SCAF11: variants seen among roughly 807,000 people sequenced by gnomAD.
SCAF11 encodes the protein protein SCAF11.
SCAF11 carries 47 observed loss-of-function variants against 140.5 expected under a neutral mutation model. The ratio of observed to expected loss-of-function variants is 0.33; its 90% confidence interval spans 0.26 to 0.43. SCAF11 has a LOEUF of 0.43. Ranked by LOEUF, SCAF11 falls within the 20% of genes least tolerant of loss-of-function variation. The probability of loss-of-function intolerance (pLI) is 1.00; values close to 1 mark genes in which losing one functional copy is unlikely to be tolerated. For synonymous variants in SCAF11, 557 were observed against 579.4 expected, an observed-to-expected ratio of 0.96 and a Z score of 0.55; for missense variants, 1,645 against 1,705.1, an observed-to-expected ratio of 0.96 and a Z score of 0.62.
intron 1 of SCAF11, among the ~76,000 whole-genome samples, chr12:45,967,176 C>G (rs1457111080): frequency 6.6e-6 from 1 of 151,706 alleles, no homozygotes. Flanking sequence ...TCGCTTGAGC[C>G]CAAGAAGTTC....
chr12:45,924,897 G>T lies in SCAF11; in HGVS notation c.3737C>A (p.Pro1246Gln), dbSNP rs1227362837. ...GGGTAGCTGAGGATGAATGTTAAAT[G>T]GATTGCGTTGGATGTTCATCAAAGG... is the stretch of plus-strand genomic sequence containing the variant. The part of the protein sequence containing the change: ...HAPLMNIQRN[P>Q]FNIHPQLPLH... The change falls in exon 12 of 15, where the codon CCA becomes CAA. Residue 1246 changes from proline (P) to glutamine (Q), a missense_variant. Pro to Gln is a moderately conservative substitution (Grantham distance 76, BLOSUM62 -1). Around this residue, in one of 2 missense-constraint regions of SCAF11, gnomAD observed 1,582 missense variants for 1,609.2 expected, o/e 0.98. Transcript: ENST00000369367. 6.2e-7 allele frequency: 1 copy of T among 1,613,996 alleles called. No individual in the cohort carries two copies. The highest frequency in any genetic ancestry group is 8.5e-7 in the Non-Finnish European group (1 of 1,180,014).
At chr12:45,972,973 T>TATATAG (rs1946140600) in intron 1 of SCAF11, among the ~76,000 whole-genome samples, 1 of 143,192 alleles carries the variant, frequency 7.0e-6, no homozygotes, top group African/African-American at 2.6e-5. Context: ...TATATATAGA[T>TATATAG]ATATAGATAT....
Position 45,936,507 on chromosome 12 carries a change from AT to A in SCAF11, c.464-2003del, listed in dbSNP as rs548042948. 2.6e-3 allele frequency among the ~76,000 whole-genome samples: 403 copies of A among 152,100 alleles called. 1 individual carries two copies. Among genetic ancestry groups the A allele is most frequent in the Non-Finnish European group, 4.6e-3 (316 of 67,992 alleles). On this transcript the variant is annotated intron_variant, in intron 6 of 14. Transcript: ENST00000369367. ...GTTTTCTCTTTTCCTTTTCTTCCTTATTATCCATCATTAATTTAGCTAACTA... is the reference window on the plus strand; with the variant it reads ...GTTTTCTCTTTTCCTTTTCTTCCTTATATCCATCATTAATTTAGCTAACTA...
intron 6 of SCAF11, among the ~76,000 whole-genome samples, chr12:45,938,666 A>G (rs1446659763): frequency 6.6e-6 from 1 of 151,992 alleles, no homozygotes; most frequent in African/African-American, 2.4e-5. Context: ...AACATGTTTC[A>G]TGAAACACTA....
intron 1 of SCAF11, among the ~76,000 whole-genome samples, chr12:45,987,690 G>C (rs1946490518): frequency 6.6e-6 from 1 of 152,170 alleles, no homozygotes; most frequent in African/African-American, 2.4e-5. Flanking sequence ...TGAAGTCAGA[G>C]AGGAAGAAGA....
chr12:45,931,341 A>T (rs1945041247), intron 10 of SCAF11, 165 bp downstream of exon 10: 1 of 412,582 alleles, frequency 2.4e-6, no homozygotes, highest in African/African-American at 2.1e-5. Context: ...CTCTAGTTGA[A>T]GCAATTCTAA....
At chr12:45,938,493 A>AAAACAAAC (rs111522666) in intron 6 of SCAF11, among the ~76,000 whole-genome samples, 14 of 136,708 alleles carry the variant, frequency 1.0e-4, no homozygotes, top group African/African-American at 3.6e-4. Context: ...GCATCTCAAA[A>AAAACAAAC]AAACAAACAA....
chr12:45,925,674 C>G (rs754606999), intron 11 of SCAF11, among the ~76,000 whole-genome samples: 2 of 151,682 alleles, frequency 1.3e-5, no homozygotes, highest in Non-Finnish European at 2.9e-5. Flanking sequence ...AATTTAACTA[C>G]TAAATTATAA....
At chr12:45,979,132 A>C (rs1946298000) in intron 1 of SCAF11, among the ~76,000 whole-genome samples, 1 of 140,186 alleles carries the variant, frequency 7.1e-6, no homozygotes, top group Non-Finnish European at 1.6e-5. Context: ...GGATGGAATT[A>C]GTGCCTTATA....
intron 6 of SCAF11, among the ~76,000 whole-genome samples, chr12:45,936,735 C>T (rs1415548098): frequency 1.3e-5 from 2 of 152,144 alleles, no homozygotes; most frequent in Non-Finnish European, 2.9e-5. Context: ...TTAATCTTTT[C>T]CTGAGTTGGA....
chr12:45,988,210 G>A (rs1946505602), intron 1 of SCAF11, among the ~76,000 whole-genome samples: 1 of 152,170 alleles, frequency 6.6e-6, no homozygotes, highest in South Asian at 2.1e-4. Flanking sequence ...ACAAAAGCAG[G>A]TGATAGCAGG....
rs1944656232 is a variant in SCAF11 at position 45,919,543 on chromosome 12, CTGAT to C, written c.*2501_*2504del. The C allele has an allele frequency of 6.6e-6, 1 of 152,220 alleles. No homozygotes were observed. The highest frequency in any genetic ancestry group is 1.5e-5 in the Non-Finnish European group (1 of 68,008). 9.4% of individuals were successfully genotyped at this position (152,220 alleles called of 1,614,324 possible). On this transcript the variant is annotated 3_prime_UTR_variant, in exon 15 of 15. Transcript: ENST00000369367. ...GGAAATGTAACTCCACAAAATGTTT[CTGAT>C]TAAGTTTGTGCCCATGCAAAATTAA...
At chr12:45,977,207 C>T (rs981663366) in intron 1 of SCAF11, among the ~76,000 whole-genome samples, 1 of 152,002 alleles carries the variant, frequency 6.6e-6, no homozygotes, top group Non-Finnish European at 1.5e-5. Flanking sequence ...TTATATTCTG[C>T]TCCTCATCAA....
At chr12:45,979,503 T>C (rs534047830) in intron 1 of SCAF11, among the ~76,000 whole-genome samples, 1 of 152,300 alleles carries the variant, frequency 6.6e-6, no homozygotes, top group East Asian at 1.9e-4. Context: ...TTCCAGAAAT[T>C]AGTTTATTTT....
intron 5 of SCAF11, 143 bp downstream of exon 5, chr12:45,948,294 T>A (rs745774267): frequency 6.9e-6 from 4 of 580,612 alleles, no homozygotes; most frequent in Non-Finnish European, 1.2e-5. Context: ...TTTCAGCTAG[T>A]CCCTCCTTAA....
chr12:45,930,550 C>CAT (rs1163380706), intron 10 of SCAF11, among the ~76,000 whole-genome samples: 1 of 149,808 alleles, frequency 6.7e-6, no homozygotes, highest in Admixed American at 6.7e-5. Context: ...ACCTCCCAGA[C>CAT]ATTCACAACA....
rs1470082366 is a variant in SCAF11, at chr12:45,934,571, G to C, written c.464-66C>G. 6 of 1,051,280 alleles carry C rather than the reference G, an allele frequency of 5.7e-6. No individual in the cohort carries two copies. In the Admixed American group the frequency reaches 1.6e-4, roughly 29 times the overall value. 65.1% of individuals were successfully genotyped at this position (1,051,280 alleles called of 1,614,324 possible). On this transcript the variant is annotated intron_variant, in intron 6 of 14. Transcript: ENST00000369367. ...TTTTTATTAAAAAGGCTGTAAACCA[G>C]CATCGATACCAGCACATTGGCAAGG...
chr12:45,922,939 G>A lies in SCAF11; in HGVS notation c.4122C>T (p.Asp1374=). 3 of 1,613,804 alleles carry A rather than the reference G, an allele frequency of 1.9e-6. No individual in the cohort carries two copies. Among genetic ancestry groups the A allele is most frequent in the South Asian group, 2.2e-5 (2 of 91,080 alleles). ...TTGCTCTCAACCTTGAACTTGCCTTGTCTGTCTTCGAGCTATCTGCGCTGG... is the reference window on the plus strand; with the variant it reads ...TTGCTCTCAACCTTGAACTTGCCTTATCTGTCTTCGAGCTATCTGCGCTGG... ...VEASADSSKT[D]KKLQIQEKAA... The change falls in exon 13 of 15, where the codon GAC becomes GAT. Residue 1374 remains aspartate (D), a synonymous_variant. Coordinates refer to ENST00000369367, the MANE Select transcript of SCAF11 (RefSeq NM_004719.3).
chr12:45,933,679 G>A (rs996119945), intron 8 of SCAF11, among the ~76,000 whole-genome samples: 8 of 151,984 alleles, frequency 5.3e-5, no homozygotes, highest in Non-Finnish European at 1.2e-4. Context: ...TTTTTTTCTT[G>A]GTACCTTGCC....
Sources: gnomAD v4.1 joint callset for allele counts (sites outside exome capture counted in the v4.1 genomes callset) on GRCh38, gnomAD v4.1.1 for gene constraint, gnomAD v4.1.1 regional missense constraint, MANE v1.5 for transcripts, NCBI Gene and HGNC (gene_info 2026-07-23, HGNC 2026-07-21) for gene names.